The following TMF1 variants were observed in gnomAD, a reference collection of about 807,000 sequenced individuals.
The protein encoded by TMF1 is TATA element modulatory factor 1.
TMF1 carries 71 observed loss-of-function variants against 126.5 expected under a neutral mutation model. The ratio of observed to expected loss-of-function variants is 0.56; its 90% CI spans 0.46 to 0.68. TMF1 has a LOEUF of 0.68. Ranked by LOEUF, TMF1 falls within the 30% of genes least tolerant of loss-of-function variation. TMF1 has a pLI of 0.00. For synonymous variants in TMF1, 461 were observed against 430.5 expected (o/e 1.07, Z -0.88); for missense variants, 1,259 against 1,253.2 (o/e 1.00, Z -0.07).
chr3:69,021,706 A>C lies in TMF1; in HGVS notation c.*1471T>G, dbSNP rs1174114975. On this transcript the variant is annotated 3_prime_UTR_variant, in exon 17 of 17. Transcript: ENST00000398559. ...GTTTGTTTTTTTTTTTTTGAGACGG[A>C]GTCTTTCTCTGTCACCCATGCTGGA... The C allele has an allele frequency of 6.7e-6, 1 of 148,344 alleles. No individual in the cohort carries two copies. The highest frequency in any genetic ancestry group is 2.5e-5 in the African/African-American group (1 of 40,244). 9.2% of individuals were successfully genotyped at this position (148,344 alleles called of 1,614,324 possible). A position where few individuals can be genotyped will look rare whatever the true frequency, so the allele number is the denominator to read the frequency against.
At chr3:69,036,068 G>A (rs1029020046) in intron 8 of TMF1, among the ~76,000 whole-genome samples, 6 of 151,858 alleles carry the variant, frequency 4.0e-5, no homozygotes, top group African/African-American at 1.5e-4. Flanking sequence ...GCAAAATACT[G>A]AAAATAACCC....
intron 1 of TMF1, among the ~76,000 whole-genome samples, chr3:69,050,400 A>G (rs77811522): frequency 0.016 from 2,454 of 152,302 alleles, 65 homozygotes; most frequent in African/African-American, 0.056. Context: ...TATCCAAACC[A>G]GAGAAAATCA....
chr3:69,026,634 C>CA (rs905119687), intron 13 of TMF1, among the ~76,000 whole-genome samples: 10 of 150,278 alleles, frequency 6.7e-5, no homozygotes, highest in Admixed American at 5.3e-4. Context: ...AACAAACAAA[C>CA]AAAAAAAAAG....
At chr3:69,037,276 C>A (rs896653339) in intron 8 of TMF1, among the ~76,000 whole-genome samples, 1 of 152,126 alleles carries the variant, frequency 6.6e-6, no homozygotes, top group African/African-American at 2.4e-5. Context: ...AGGCGGATCA[C>A]GAGGTCAGGA....
Position 69,052,195 on chromosome 3 carries a change from C to G in TMF1, c.-109G>C. ...GCTCCCCTTTTCCACTCGGCTGGTT[C>G]TGTCAGCGTGTGGCCATTACCCCGA... On this transcript the variant is annotated 5_prime_UTR_variant, in exon 1 of 17. Coordinates refer to ENST00000398559, the MANE Select transcript of TMF1 (RefSeq NM_007114.3). 2 of 1,303,066 alleles carry G rather than the reference C, an allele frequency of 1.5e-6. No individual in the cohort carries two copies. Among genetic ancestry groups the G allele is most frequent in the East Asian group, 5.1e-5 (2 of 39,058 alleles). 80.7% of individuals were successfully genotyped at this position (1,303,066 alleles called of 1,614,324 possible).
chr3:69,026,800 C>T (rs1193033888), intron 13 of TMF1, among the ~76,000 whole-genome samples: 2 of 152,230 alleles, frequency 1.3e-5, no homozygotes, highest in Non-Finnish European at 2.9e-5. Flanking sequence ...AAACCTATTT[C>T]TGTAACATAA....
At chr3:69,031,092 C>T (rs2091799373) in intron 10 of TMF1, among the ~76,000 whole-genome samples, 1 of 152,172 alleles carries the variant, frequency 6.6e-6, no homozygotes, top group Admixed American at 6.5e-5. Flanking sequence ...ACAAAAACAA[C>T]TGTGTGAACC....
rs1000126432 is a variant in TMF1 at position 69,051,972 on chromosome 3, C to A, written c.115G>T (p.Ala39Ser). 1 of 1,613,946 alleles carries A rather than the reference C, an allele frequency of 6.2e-7. No homozygotes were observed. Among genetic ancestry groups the A allele is most frequent in the Admixed American group, 1.7e-5 (1 of 60,012 alleles). ...GGCTCTCCATACGGAATGGTCTCGG[C>A]CCAGATGCTCGGCTCCTCTTCCTGG... ...DIQEEEPSIWAETIPYGEPGI... is the reference protein window; with the variant it reads ...DIQEEEPSIWSETIPYGEPGI... Residue 39 changes from alanine (A) to serine (S), a missense_variant, in exon 1 of 17, where the codon GCC (alanine) becomes TCC (serine). Physicochemically the swap from Ala to Ser is moderately conservative, Grantham distance 99. Transcript: ENST00000398559.
intron 5 of TMF1, 120 bp from the exon 6 acceptor site, chr3:69,039,813 C>T (rs940358700): frequency 1.8e-6 from 2 of 1,093,414 alleles, no homozygotes; most frequent in East Asian, 2.7e-5. Flanking sequence ...ATTTTGTAAC[C>T]CACAATGTTA....
In TMF1 at chr3:69,035,058, C is replaced by T; in HGVS notation, c.2209G>A (p.Asp737Asn). 6.2e-7 allele frequency: 1 copy of T among 1,614,190 alleles called. No homozygotes were observed. The highest frequency in any genetic ancestry group is 8.5e-7 in the Non-Finnish European group (1 of 1,180,032). ...TCACCGATCTCATGGCGTAAATAAT[C>T]CTCCTTTCTGGCAGCCGCTTGTTCT... ...RTEQAAARKE[D>N]YLRHEIGELQ... Residue 737 changes from aspartate (D) to asparagine (N), a missense_variant, in exon 9 of 17, where the codon GAT becomes AAT. Physicochemically the swap from Asp to Asn is conservative, Grantham distance 23. Transcript: ENST00000398559.
rs773979278 is a variant in TMF1 at position 69,029,933 on chromosome 3, T to C, written c.2476A>G (p.Ile826Val). ...AATEELLANK[I>V]QMSSMESQNS... ...TGTGACTCCATGGAAGACATCTGAATTTTGTTAGCAAGGAGTTCTTCTGTA... is the reference window on the plus strand; with the variant it reads ...TGTGACTCCATGGAAGACATCTGAACTTTGTTAGCAAGGAGTTCTTCTGTA... Residue 826 changes from isoleucine (I) to valine (V), a missense_variant, in exon 11 of 17, where the codon ATT becomes GTT. By Grantham distance (29) the Ile-to-Val change is conservative (BLOSUM62 3). Coordinates refer to ENST00000398559, the MANE Select transcript of TMF1 (RefSeq NM_007114.3). 6 of 1,614,188 alleles carry C rather than the reference T, an allele frequency of 3.7e-6. No homozygotes were observed. In the East Asian group the frequency reaches 1.1e-4, roughly 30 times the overall value.
At chr3:69,037,579 T>G (rs2091839491) in intron 8 of TMF1, among the ~76,000 whole-genome samples, 1 of 151,540 alleles carries the variant, frequency 6.6e-6, no homozygotes, top group South Asian at 2.1e-4. Context: ...GAGGTGGAGG[T>G]TGCAATGAGC....
intron 10 of TMF1, among the ~76,000 whole-genome samples, chr3:69,033,333 A>G (rs553774057): frequency 2.0e-5 from 3 of 152,072 alleles, no homozygotes; most frequent in East Asian, 3.9e-4. Context: ...TTTAGCCAGT[A>G]TCTGATACCA....
Position 69,022,955 on chromosome 3 carries a change from AT to A in TMF1, c.*221del, listed in dbSNP as rs1198953778. On this transcript the variant is annotated 3_prime_UTR_variant, in exon 17 of 17. Transcript: ENST00000398559. The stretch of plus-strand genomic sequence containing the variant: ...GGAAAAAAAATGAATGCTTTAAAAA[AT>A]AAATCTTTAAAGAATAGTTTCAAAA... The A allele has an allele frequency of 2.5e-6, 1 of 394,288 alleles. No individual in the cohort carries two copies. Among genetic ancestry groups the A allele is most frequent in the Non-Finnish European group, 4.4e-6 (1 of 224,836 alleles). 24.4% of individuals were successfully genotyped at this position (394,288 alleles called of 1,614,324 possible).
At chr3:69,035,654 C>G (rs1044963959) in intron 8 of TMF1, among the ~76,000 whole-genome samples, 12 of 152,028 alleles carry the variant, frequency 7.9e-5, no homozygotes, top group Non-Finnish European at 1.6e-4. Context: ...AATAGGCTAG[C>G]AAAAACAAAA....
chr3:69,021,257 A>G lies in TMF1; in HGVS notation c.*1920T>C, dbSNP rs1410124419. 1 of 152,658 alleles carries G rather than the reference A, an allele frequency of 6.6e-6. No individual in the cohort carries two copies. The highest frequency in any genetic ancestry group is 1.5e-5 in the Non-Finnish European group (1 of 68,038). The allele number at this position is 152,658 out of a possible 1,614,324, so 9.5% of individuals were successfully genotyped here. ...ATATATGTATAGGAAAAAACAGTGT[A>G]TAGAGGTGTCTATACTATCCATGGT... On this transcript the variant is annotated 3_prime_UTR_variant, in exon 17 of 17. Coordinates refer to ENST00000398559, the MANE Select transcript of TMF1 (RefSeq NM_007114.3).
In TMF1 at chr3:69,047,811, T is replaced by A; in HGVS notation, c.894A>T (p.Ala298=). 2 of 1,614,094 alleles carry A rather than the reference T, an allele frequency of 1.2e-6. No homozygotes were observed. Among genetic ancestry groups the A allele is most frequent in the Non-Finnish European group, 1.7e-6 (2 of 1,180,032 alleles). Reference sequence around the variant, plus strand: ...AACGATTATATTCAGGACAAGCAGATGCAGAGAGAAGCTGAAAAGATGTCT... The same window carrying A: ...AACGATTATATTCAGGACAAGCAGAAGCAGAGAGAAGCTGAAAAGATGTCT... ...LMQTSFQLLS[A]SACPEYNRLD... is the part of the protein sequence containing the mutation. The change falls in exon 2 of 17, where the codon GCA becomes GCT. Residue 298 remains alanine, a synonymous_variant. Coordinates refer to ENST00000398559, the MANE Select transcript of TMF1 (RefSeq NM_007114.3).
intron 10 of TMF1, among the ~76,000 whole-genome samples, chr3:69,031,417 TACAC>T (rs34091520): frequency 2.7e-5 from 4 of 150,618 alleles, no homozygotes; most frequent in African/African-American, 7.3e-5. Context: ...TAGAACTTAA[TACAC>T]ACACACACAC....
At chr3:69,031,855 T>C (rs1464399411) in intron 10 of TMF1, among the ~76,000 whole-genome samples, 1 of 152,236 alleles carries the variant, frequency 6.6e-6, no homozygotes, top group Non-Finnish European at 1.5e-5. Context: ...GCTGAGGGTA[T>C]GTAGACTTCA....
Sources: allele counts gnomAD v4.1 joint callset (sites outside exome capture counted in the v4.1 genomes callset), GRCh38; gene constraint gnomAD v4.1.1; transcripts MANE v1.5; gene names NCBI Gene and HGNC (gene_info 2026-07-23, HGNC 2026-07-21).